SH3GL3: variants seen among roughly 807,000 people sequenced by gnomAD.
SH3GL3 encodes endophilin-A3.
A neutral mutation model predicts 47.7 loss-of-function variants in SH3GL3; 33 were observed. The observed-to-expected ratio is 0.69, with a 90% CI of 0.52 to 0.92. The LOEUF (loss-of-function observed/expected upper bound fraction) is 0.92, where lower values mean the gene tolerates loss of function less well. SH3GL3 is among the 40% of genes least tolerant of loss of function. The pLI is 0.00. For synonymous variants in SH3GL3, 155 were observed against 148.8 expected (o/e 1.04, Z -0.30); for missense variants, 363 against 417.8 (o/e 0.87, Z 1.14).
In SH3GL3 at chr15:83,485,822, A is replaced by G. The variant is rs1249086508; in HGVS notation, c.45+38244A>G. On this transcript the variant is annotated intron_variant, in intron 1 of 8. Transcript: ENST00000427482. ...GGAAGTTTACTTTTTACTGCCTACC[A>G]TGTGGATTTGTTTTTTTAAATTTCT... Among the ~76,000 whole-genome samples the G allele has an allele frequency of 3.3e-5, 5 of 152,154 alleles. No homozygotes were observed. The South Asian group carries it at 8.3e-4, about 25-fold the overall frequency.
Position 83,501,870 on chromosome 15 carries a change from G to A in SH3GL3, c.45+54292G>A, listed in dbSNP as rs113588474. ...CATGCCACCGCACTCCAGCCTGGGC[G>A]ACAGAGTGAGATTCCGTCTCAAAAA... On this transcript the variant is annotated intron_variant, in intron 1 of 8. Transcript: ENST00000427482. Among the ~76,000 whole-genome samples, 634 of 152,116 alleles carry A rather than the reference G, an allele frequency of 4.2e-3. 5 individuals carry two copies. The highest frequency in any genetic ancestry group is 0.014 in the African/African-American group (583 of 41,512).
Position 83,448,432 on chromosome 15 carries a change from C to T in SH3GL3, c.45+854C>T, listed in dbSNP as rs1334648433. Among the ~76,000 whole-genome samples, 1 of 118,830 alleles carries T rather than the reference C, an allele frequency of 8.4e-6. No individual in the cohort carries two copies. The highest frequency in any genetic ancestry group is 3.7e-5 in the African/African-American group (1 of 26,930). 78.0% of individuals were successfully genotyped at this position (118,830 alleles called of 152,430 possible). A position where few individuals can be genotyped will look rare whatever the true frequency, so the allele number is the denominator to read the frequency against. ...GGAAACAGGAAAACAGGAGGGGAGACATGAAATTGATGTGTGTGTGTGTGT... is the reference window on the plus strand; with the variant it reads ...GGAAACAGGAAAACAGGAGGGGAGATATGAAATTGATGTGTGTGTGTGTGT... On this transcript the variant is annotated intron_variant, in intron 1 of 8. Coordinates refer to ENST00000427482, the MANE Select transcript of SH3GL3 (RefSeq NM_003027.5). The surrounding 1 kb of genome is among the most constrained non-coding windows in gnomAD (Gnocchi z 4.2).
At chr15:83,536,510 C>A (rs1406132249) in intron 1 of SH3GL3, among the ~76,000 whole-genome samples, 1 of 149,628 alleles carries the variant, frequency 6.7e-6, no homozygotes, top group Non-Finnish European at 1.5e-5. Flanking sequence ...TCAAGTGATT[C>A]TCCTGTCTCA....
intron 1 of SH3GL3, among the ~76,000 whole-genome samples, chr15:83,450,685 A>G (rs1184752203): frequency 7.0e-6 from 1 of 143,470 alleles, no homozygotes; most frequent in Non-Finnish European, 1.5e-5. Context: ...TCAGCGTTTG[A>G]GACTAGAACC....
chr15:83,622,386 G>A (rs560320254), downstream of SH3GL3, among the ~76,000 whole-genome samples: 3 of 152,284 alleles, frequency 2.0e-5, no homozygotes, highest in South Asian at 4.1e-4. Flanking sequence ...GTCACATTAG[G>A]AATTTACCAA....
At chr15:83,467,112 G>A (rs2040603826) in intron 1 of SH3GL3, among the ~76,000 whole-genome samples, 2 of 152,168 alleles carry the variant, frequency 1.3e-5, no homozygotes, top group South Asian at 4.1e-4. Context: ...AAGAACTCTT[G>A]CTTAGTCAGA....
chr15:83,507,292 G>T (rs575479004), intron 1 of SH3GL3, among the ~76,000 whole-genome samples: 8 of 152,206 alleles, frequency 5.3e-5, no homozygotes, highest in Admixed American at 5.2e-4. Flanking sequence ...ACAGGCGTGA[G>T]CCACCGTGCC....
intron 8 of SH3GL3, among the ~76,000 whole-genome samples, chr15:83,615,861 A>G (rs560447385): frequency 2.0e-5 from 3 of 152,314 alleles, no homozygotes; most frequent in South Asian, 2.1e-4. Context: ...ATCCAAATAG[A>G]TTATAAAAGT....
At chr15:83,476,340 C>A (rs2041096692) in intron 1 of SH3GL3, among the ~76,000 whole-genome samples, 1 of 152,174 alleles carries the variant, frequency 6.6e-6, no homozygotes, top group South Asian at 2.1e-4. Flanking sequence ...GTATTTGTCA[C>A]CATTGCATGA....
intron 1 of SH3GL3, among the ~76,000 whole-genome samples, chr15:83,526,265 C>T (rs1016294976): frequency 1.3e-5 from 2 of 152,112 alleles, no homozygotes; most frequent in African/African-American, 4.8e-5. Context: ...GGTGATTCCT[C>T]AGAGAGCTAA....
chr15:83,604,319 CGA>C (rs1006170548), intron 8 of SH3GL3, among the ~76,000 whole-genome samples: 3 of 152,142 alleles, frequency 2.0e-5, no homozygotes, highest in Admixed American at 6.5e-5. Context: ...AGCTTGCACC[CGA>C]GTAGTTCTTA....
intron 1 of SH3GL3, among the ~76,000 whole-genome samples, chr15:83,507,114 T>C (rs1163303940): frequency 6.6e-6 from 1 of 151,806 alleles, no homozygotes; most frequent in Non-Finnish European, 1.5e-5. Flanking sequence ...CATGCCATTC[T>C]CCTGCCTCAG....
chr15:83,622,107 C>G (rs944822108), downstream of SH3GL3, among the ~76,000 whole-genome samples: 1 of 152,176 alleles, frequency 6.6e-6, no homozygotes, highest in African/African-American at 2.4e-5. Flanking sequence ...AACATTTTAC[C>G]TGAATAAACC....
chr15:83,565,225 CT>C lies in SH3GL3; in HGVS notation c.187+21del. 1 of 1,409,362 alleles carries C rather than the reference CT, an allele frequency of 7.1e-7. No homozygotes were observed. The highest frequency in any genetic ancestry group is 1.0e-6 in the Non-Finnish European group (1 of 995,860). 87.3% of individuals were successfully genotyped at this position (1,409,362 alleles called of 1,614,324 possible). ...AATCCAGGTAAAGTTGAAATATTCT[CT>C]TGTTCATTTGCTGTCACAGACTCTA... On this transcript the variant is annotated intron_variant, in intron 3 of 8. Transcript: ENST00000427482.
chr15:83,543,537 C>T (rs878996618), intron 1 of SH3GL3, among the ~76,000 whole-genome samples: 1 of 151,902 alleles, frequency 6.6e-6, no homozygotes, highest in African/African-American at 2.4e-5. Flanking sequence ...GAAGTCTTCC[C>T]TCCTCCTCTA....
chr15:83,552,979 T>C (rs1229483835), intron 1 of SH3GL3, among the ~76,000 whole-genome samples: 1 of 152,130 alleles, frequency 6.6e-6, no homozygotes, highest in Non-Finnish European at 1.5e-5. Flanking sequence ...AGGAAGGTAT[T>C]TCTTAGGTCA....
intron 1 of SH3GL3, among the ~76,000 whole-genome samples, chr15:83,512,815 G>A (rs552084879): frequency 5.9e-5 from 9 of 151,988 alleles, no homozygotes; most frequent in Admixed American, 1.3e-4. Context: ...AGCTTCCTCC[G>A]GATGAGGTGC....
chr15:83,467,868 C>T (rs1189593948), intron 1 of SH3GL3, among the ~76,000 whole-genome samples: 1 of 152,092 alleles, frequency 6.6e-6, no homozygotes, highest in East Asian at 1.9e-4. Flanking sequence ...CTCTCTGTCA[C>T]CCAGGCTAGA....
At chr15:83,606,941 G>A (rs776427776) in intron 8 of SH3GL3, among the ~76,000 whole-genome samples, 1 of 152,214 alleles carries the variant, frequency 6.6e-6, no homozygotes, top group Non-Finnish European at 1.5e-5. Context: ...AAATTAAAGT[G>A]TGAAATATGA....
Sources: gnomAD v4.1 joint callset for allele counts (sites outside exome capture counted in the v4.1 genomes callset) on GRCh38, gnomAD v4.1.1 for gene constraint, Gnocchi (gnomAD v3.1) non-coding constraint, MANE v1.5 for transcripts, NCBI Gene and HGNC (gene_info 2026-07-23, HGNC 2026-07-21) for gene names.